Variants in CDH12 observed in about 807,000 individuals in gnomAD.
CDH12 encodes the protein cadherin-12.
A neutral mutation model predicts 74.1 loss-of-function variants in CDH12; 41 were observed. That is an observed-to-expected ratio of 0.55 (90% CI 0.43 to 0.72). The LOEUF (loss-of-function observed/expected upper bound fraction) is 0.72, where lower values mean the gene tolerates loss of function less well. CDH12 is among the 30% of genes least tolerant of loss of function. The pLI is 0.00. For synonymous variants in CDH12, 399 were observed against 355.0 expected (o/e 1.12, Z -1.39); for missense variants, 945 against 977.2 (o/e 0.97, Z 0.44).
intron 5 of CDH12, among the ~76,000 whole-genome samples, chr5:22,009,939 C>CAAAAAAAAAAAAAAAAAAAAAAAAAAAAA (rs774589642): frequency 9.2e-5 from 5 of 54,308 alleles, no homozygotes; most frequent in Admixed American, 2.2e-4. Context: ...GAAACTGTCT[C>CAAAAAAAAAAAAAAAAAAAAAAAAAAAAA]AAAAAAAAAA....
intron 3 of CDH12, among the ~76,000 whole-genome samples, chr5:22,342,773 A>C (rs56915952): frequency 1 from 142,000 of 142,154 alleles, 70,923 homozygotes; most frequent in Middle Eastern, 1. Context: ...TCCCTTCCTC[A>C]CTTCCTTCCT....
intron 6 of CDH12, among the ~76,000 whole-genome samples, chr5:21,902,748 G>T (rs994733578): frequency 6.6e-6 from 1 of 151,912 alleles, no homozygotes; most frequent in Non-Finnish European, 1.5e-5. Flanking sequence ...CTTTAATTTT[G>T]TTCAATTTTT....
chr5:21,807,568 T>G (rs1477732148), intron 9 of CDH12, among the ~76,000 whole-genome samples: 3 of 152,120 alleles, frequency 2.0e-5, no homozygotes, highest in Non-Finnish European at 4.4e-5. Context: ...AATAAGCAAT[T>G]TTTTGGCATA....
At chr5:22,668,883 A>G (rs372954621) in intron 1 of CDH12, among the ~76,000 whole-genome samples, 36 of 143,036 alleles carry the variant, frequency 2.5e-4, no homozygotes, top group African/African-American at 9.1e-4. Flanking sequence ...TCTTTTTTCA[A>G]CTCCTCTCTC....
intron 1 of CDH12, among the ~76,000 whole-genome samples, chr5:22,578,272 T>G (rs1420883743): frequency 6.6e-6 from 1 of 152,124 alleles, no homozygotes; most frequent in East Asian, 1.9e-4. Context: ...TTATGCATCT[T>G]TATCTTAAAA....
chr5:22,457,384 TCTC>T (rs1395098197), intron 2 of CDH12, among the ~76,000 whole-genome samples: 2 of 149,648 alleles, frequency 1.3e-5, no homozygotes, highest in East Asian at 4.0e-4. Context: ...TCCTTTTCCT[TCTC>T]CTTCTCCTTC....
chr5:21,926,704 C>T (rs943685390), intron 6 of CDH12, among the ~76,000 whole-genome samples: 2 of 152,030 alleles, frequency 1.3e-5, no homozygotes, highest in Non-Finnish European at 2.9e-5. Context: ...AAGACTTGCT[C>T]GAATGATGTC....
At chr5:22,775,549 T>A (rs752998061) in intron 1 of CDH12, among the ~76,000 whole-genome samples, 1 of 151,702 alleles carries the variant, frequency 6.6e-6, no homozygotes, top group Non-Finnish European at 1.5e-5. Flanking sequence ...AAAACAAATA[T>A]AATTGGGCAA....
chr5:22,281,175 C>A (rs1736862512), intron 3 of CDH12, among the ~76,000 whole-genome samples: 1 of 152,068 alleles, frequency 6.6e-6, no homozygotes, highest in South Asian at 2.1e-4. Flanking sequence ...ATTAAACAGC[C>A]CTTCATGCTA....
chr5:22,548,257 G>A (rs1302950993), intron 1 of CDH12, among the ~76,000 whole-genome samples: 2 of 152,104 alleles, frequency 1.3e-5, no homozygotes, highest in Non-Finnish European at 2.9e-5. Context: ...GCTTATTTAT[G>A]CTTATAGATT....
chr5:22,220,742 A>T (rs1255957755), intron 3 of CDH12, among the ~76,000 whole-genome samples: 3 of 151,794 alleles, frequency 2.0e-5, no homozygotes, highest in Non-Finnish European at 4.4e-5. Flanking sequence ...TTAAAAAGAT[A>T]CCTGACTTCA....
intron 3 of CDH12, among the ~76,000 whole-genome samples, chr5:22,404,359 T>G (rs955465385): frequency 2.6e-5 from 4 of 152,112 alleles, no homozygotes; most frequent in African/African-American, 9.7e-5. Context: ...CTCTATACAT[T>G]TGGTATGTTA....
At chr5:21,762,607 G>C (rs1744787243) in intron 12 of CDH12, among the ~76,000 whole-genome samples, 1 of 151,790 alleles carries the variant, frequency 6.6e-6, no homozygotes, top group African/African-American at 2.4e-5. Context: ...GGCTCAATTG[G>C]ACACAAAAAC....
chr5:21,802,304 G>A lies in CDH12; in HGVS notation c.1119C>T (p.Ile373=), dbSNP rs1445169942. 1 of 1,613,916 alleles carries A rather than the reference G, an allele frequency of 6.2e-7. No individual in the cohort carries two copies. Among genetic ancestry groups the A allele is most frequent in the East Asian group, 2.2e-5 (1 of 44,758 alleles). ...GTGGCTCATCTACGTCCAGCACGCT[G>A]ATCTTCACCGTAGCTGTGTCTTTGA... ...GPFKDTATVK[I]SVLDVDEPPV... Residue 373 remains isoleucine, a synonymous_variant, in exon 10 of 15, where the codon ATC becomes ATT. Coordinates refer to ENST00000382254, the MANE Select transcript of CDH12 (RefSeq NM_004061.5).
In CDH12 at chr5:22,229,226, A is replaced by G. The variant is rs555439783; in HGVS notation, c.-332-16583T>C. 8.6e-5 allele frequency among the ~76,000 whole-genome samples: 13 copies of G among 151,560 alleles called. No homozygotes were observed. In the South Asian group the frequency reaches 2.5e-3, roughly 29 times the overall value. On this transcript the variant is annotated intron_variant, in intron 3 of 14. Transcript: ENST00000382254. ...CTTAAGCTTGCTACCAAAATCATTT[A>G]TATTATGATGCCTTTCATTATCATT...
At chr5:22,482,820 A>T (rs1404984951) in intron 2 of CDH12, among the ~76,000 whole-genome samples, 1 of 152,180 alleles carries the variant, frequency 6.6e-6, no homozygotes, top group African/African-American at 2.4e-5. Flanking sequence ...TTCCCAAAAA[A>T]TATATACCAT....
At chr5:22,066,330 A>G (rs1488253167) in intron 5 of CDH12, among the ~76,000 whole-genome samples, 1 of 151,978 alleles carries the variant, frequency 6.6e-6, no homozygotes, top group East Asian at 1.9e-4. Flanking sequence ...CTTTTCCTCT[A>G]TCCCCAAAGG....
intron 1 of CDH12, among the ~76,000 whole-genome samples, chr5:22,563,958 C>T (rs1739178818): frequency 6.6e-6 from 1 of 152,152 alleles, no homozygotes; most frequent in African/African-American, 2.4e-5. Flanking sequence ...CCTCCCACAA[C>T]ACATGGGAAT....
intron 1 of CDH12, among the ~76,000 whole-genome samples, chr5:22,672,432 A>G (rs1170453732): frequency 8.6e-5 from 13 of 151,976 alleles, no homozygotes; most frequent in Admixed American, 8.5e-4. Flanking sequence ...CTTTGCTCTC[A>G]TGAAGGGATT....
Sources: gnomAD v4.1 joint callset for allele counts (sites outside exome capture counted in the v4.1 genomes callset) on GRCh38, gnomAD v4.1.1 for gene constraint, MANE v1.5 for transcripts, NCBI Gene and HGNC (gene_info 2026-07-23, HGNC 2026-07-21) for gene names.